Variants in GMDS observed in about 807,000 individuals in gnomAD.
The protein encoded by GMDS is GDP-mannose 4,6 dehydratase.
GMDS carries 20 observed loss-of-function variants against 49.9 expected under a neutral mutation model. That is an observed-to-expected ratio of 0.40 (90% CI 0.28 to 0.58). GMDS has a LOEUF of 0.58. Among genes scored for constraint, GMDS ranks in the 20% least tolerant of loss-of-function variants. The probability of loss-of-function intolerance (pLI) is 0.42; values close to 1 mark genes in which losing one functional copy is unlikely to be tolerated. For synonymous variants in GMDS, 177 were observed against 178.6 expected (o/e 0.99, Z 0.07); for missense variants, 362 against 481.4 (o/e 0.75, Z 2.32).
intron 1 of GMDS, among the ~76,000 whole-genome samples, chr6:2,241,186 A>G (rs1372353370): frequency 1.3e-5 from 2 of 152,080 alleles, no homozygotes; most frequent in Non-Finnish European, 2.9e-5. Flanking sequence ...AACGTCCTAC[A>G]TGCTGCTCCG....
intron 1 of GMDS, among the ~76,000 whole-genome samples, chr6:2,148,644 T>C (rs1036424220): frequency 6.6e-6 from 1 of 152,200 alleles, no homozygotes; most frequent in African/African-American, 2.4e-5. Flanking sequence ...GGTCTCCAAC[T>C]CCTGACCTCA....
chr6:1,937,058 T>C (rs1328951260), intron 6 of GMDS, among the ~76,000 whole-genome samples: 1 of 152,168 alleles, frequency 6.6e-6, no homozygotes, highest in East Asian at 1.9e-4. Flanking sequence ...CTTTTCTATG[T>C]TTAGATACAC....
chr6:1,867,590 C>T (rs911485103), intron 7 of GMDS, among the ~76,000 whole-genome samples: 6 of 152,158 alleles, frequency 3.9e-5, no homozygotes, highest in African/African-American at 1.2e-4. Context: ...AAAGCTGGAC[C>T]CCTGGACATT....
Position 1,624,581 on chromosome 6 carries a change from G to C in GMDS, c.988-41C>G, listed in dbSNP as rs1388809762. The C allele has an allele frequency of 5.6e-6, 8 of 1,422,516 alleles. No individual in the cohort carries two copies. In the Admixed American group the frequency reaches 1.4e-4, roughly 24 times the overall value. 88.1% of individuals were successfully genotyped at this position (1,422,516 alleles called of 1,614,324 possible). A position where few individuals can be genotyped will look rare whatever the true frequency, so the allele number is the denominator to read the frequency against. ...GGGAGACGAAGCAGGCGTGGGTCGT[G>C]GGGGTGGGGGCAGCAGGTCCCGAGC... is the stretch of plus-strand genomic sequence containing the variant. On this transcript the variant is annotated intron_variant, in intron 9 of 10. Transcript: ENST00000380815.
intron 4 of GMDS, among the ~76,000 whole-genome samples, chr6:2,105,952 C>T (rs1562059800): frequency 6.6e-6 from 1 of 152,162 alleles, no homozygotes; most frequent in South Asian, 2.1e-4. Flanking sequence ...CAGGGTGCAA[C>T]ATTTTCTAAA....
In GMDS at chr6:2,232,956, A is replaced by G. The variant is rs570467361; in HGVS notation, c.102+12365T>C. On this transcript the variant is annotated intron_variant, in intron 1 of 10. Transcript: ENST00000380815. Reference sequence around the variant, plus strand: ...ATCTAAGGCAAAGGGAAAAACATACAAGACAGAATGTAAATTTGTGCTGCC... The same window carrying G: ...ATCTAAGGCAAAGGGAAAAACATACGAGACAGAATGTAAATTTGTGCTGCC... 6.6e-5 allele frequency among the ~76,000 whole-genome samples: 10 copies of G among 152,266 alleles called. No homozygotes were observed. The South Asian group carries it at 2.1e-3, about 32-fold the overall frequency.
intron 9 of GMDS, among the ~76,000 whole-genome samples, chr6:1,669,665 C>T (rs1488253960): frequency 6.6e-6 from 1 of 152,076 alleles, no homozygotes; most frequent in Non-Finnish European, 1.5e-5. Context: ...GTAATCCCAG[C>T]ACTTTGGGAG....
At chr6:2,124,956 G>A (rs1775338856) in intron 1 of GMDS, among the ~76,000 whole-genome samples, 1 of 152,174 alleles carries the variant, frequency 6.6e-6, no homozygotes, top group Non-Finnish European at 1.5e-5. Context: ...AGAAGACAGA[G>A]GATGAAAATG....
intron 1 of GMDS, among the ~76,000 whole-genome samples, chr6:2,206,782 GGAAA>G (rs1464818483): frequency 6.6e-6 from 1 of 152,136 alleles, no homozygotes; most frequent in Admixed American, 6.5e-5. Context: ...GCTGATCTGA[GGAAA>G]CACTATGGGA....
At chr6:1,710,712 C>T (rs772402662) in intron 9 of GMDS, among the ~76,000 whole-genome samples, 1 of 152,162 alleles carries the variant, frequency 6.6e-6, no homozygotes, top group East Asian at 1.9e-4. Flanking sequence ...TAACTTCAAT[C>T]GGTAAATGAT....
At position 1,766,299 on chromosome 6, in the gene GMDS, C is replaced by G. The variant is rs757614341; in HGVS notation, c.772-23713G>C. Among the ~76,000 whole-genome samples, 1 of 152,094 alleles carries G rather than the reference C, an allele frequency of 6.6e-6. No homozygotes were observed. Among genetic ancestry groups the G allele is most frequent in the African/African-American group, 2.4e-5 (1 of 41,402 alleles). On this transcript the variant is annotated intron_variant, in intron 7 of 10. Coordinates refer to ENST00000380815, the MANE Select transcript of GMDS (RefSeq NM_001500.4). This position sits in a 1 kb window ranked among gnomAD's most constrained non-coding sequence, Gnocchi z 4.5. Reference sequence around the variant, plus strand: ...ACAGGAGCAAAGACCACAGAACTTTCGAGGCAGCAGATTCATTTGGGCTTC... The same window carrying G: ...ACAGGAGCAAAGACCACAGAACTTTGGAGGCAGCAGATTCATTTGGGCTTC...
intron 2 of GMDS, 30 bp downstream of exon 2, chr6:2,124,657 C>A: frequency 6.3e-7 from 1 of 1,595,384 alleles, no homozygotes; most frequent in Non-Finnish European, 8.6e-7. Flanking sequence ...ACCCCACCAG[C>A]CTGCGCCCGC....
chr6:1,729,568 A>G (rs1766717223), intron 8 of GMDS, among the ~76,000 whole-genome samples: 1 of 152,244 alleles, frequency 6.6e-6, no homozygotes, highest in African/African-American at 2.4e-5. Context: ...CCAAGTGCCA[A>G]AAAACATTCA....
In GMDS at chr6:2,033,664, G is replaced by A. The variant is rs147578636; in HGVS notation, c.346-72698C>T. ...AGGATTAAACTATCAGGTGTTCACC[G>A]CCATTGCTTTTATTGCCCCTTTTGC... On this transcript the variant is annotated intron_variant, in intron 4 of 10. Transcript: ENST00000380815. 3.0e-3 allele frequency among the ~76,000 whole-genome samples: 452 copies of A among 152,302 alleles called. 4 individuals are homozygous for A. Among genetic ancestry groups the A allele is most frequent in the African/African-American group, 0.01 (417 of 41,570 alleles).
chr6:1,649,713 C>T (rs1763591758), intron 9 of GMDS, among the ~76,000 whole-genome samples: 1 of 152,202 alleles, frequency 6.6e-6, no homozygotes, highest in South Asian at 2.1e-4. Context: ...AGGCCAATGA[C>T]CCCAGGTTCT....
intron 7 of GMDS, among the ~76,000 whole-genome samples, chr6:1,870,662 T>C (rs760999676): frequency 1.3e-5 from 2 of 152,218 alleles, no homozygotes; most frequent in Non-Finnish European, 2.9e-5. Flanking sequence ...CTCTTCCTTA[T>C]ACGTACTCTT....
chr6:2,234,388 AC>A (rs1398157354), intron 1 of GMDS, among the ~76,000 whole-genome samples: 2 of 152,170 alleles, frequency 1.3e-5, no homozygotes, highest in Non-Finnish European at 2.9e-5. Flanking sequence ...CAGGCAGATC[AC>A]CTGAGGCCGG....
At chr6:1,827,444 TATACACAC>T (rs1311244356) in intron 7 of GMDS, among the ~76,000 whole-genome samples, 11 of 39,630 alleles carry the variant, frequency 2.8e-4, no homozygotes, top group South Asian at 9.8e-4. Flanking sequence ...AAAACCTGTA[TATACACAC>T]GTTTTGGAAA....
intron 4 of GMDS, among the ~76,000 whole-genome samples, chr6:2,023,969 G>A (rs1768428322): frequency 1.3e-5 from 2 of 152,088 alleles, no homozygotes; most frequent in Non-Finnish European, 2.9e-5. Flanking sequence ...CAAATTCTCA[G>A]GTTAAAAGAC....
Sources: allele counts gnomAD v4.1 joint callset (sites outside exome capture counted in the v4.1 genomes callset), GRCh38; gene constraint gnomAD v4.1.1; non-coding constraint Gnocchi (gnomAD v3.1); transcripts MANE v1.5; gene names NCBI Gene and HGNC (gene_info 2026-07-23, HGNC 2026-07-21).